Variants in LARP4B observed in about 807,000 individuals in gnomAD.
LARP4B encodes La ribonucleoprotein 4B.
A neutral mutation model predicts 89.8 loss-of-function variants in LARP4B; 12 were observed. The observed-to-expected ratio is 0.13, with a 90% CI of 0.09 to 0.22. The LOEUF is 0.22. Ranked by LOEUF, LARP4B falls within the 10% of genes least tolerant of loss-of-function variation. LARP4B has a pLI of 1.00. For missense variants in LARP4B, 757 were observed against 947.7 expected (o/e 0.80, Z 2.64); for synonymous variants, 367 against 363.3 (o/e 1.01, Z -0.12).
At chr10:885,058 G>A (rs925830893) in intron 2 of LARP4B, among the ~76,000 whole-genome samples, 16 of 152,082 alleles carry the variant, frequency 1.1e-4, no homozygotes, top group Non-Finnish European at 1.5e-4. Flanking sequence ...ATGGCACATT[G>A]ACATTTGAGG....
chr10:958,217 G>C, the LARP4B span, among the ~76,000 whole-genome samples: 1 of 152,182 alleles, frequency 6.6e-6, no homozygotes, highest in South Asian at 2.1e-4. Context: ...GGGTCCCTGA[G>C]AGCTGACCTG....
chr10:950,223 G>A, the LARP4B span, among the ~76,000 whole-genome samples: 758 of 152,146 alleles, frequency 5.0e-3, 9 homozygotes, highest in African/African-American at 0.018. Flanking sequence ...AGCCTTTTGC[G>A]GAGCAAAAGT....
intron 1 of LARP4B, among the ~76,000 whole-genome samples, chr10:908,096 C>T (rs1836544185): frequency 1.3e-5 from 2 of 152,132 alleles, no homozygotes; most frequent in South Asian, 4.1e-4. Context: ...ATCCCAGCTA[C>T]TTGGGAGGCT....
At chr10:840,327 A>G (rs1833462218) in intron 7 of LARP4B, among the ~76,000 whole-genome samples, 1 of 152,184 alleles carries the variant, frequency 6.6e-6, no homozygotes, top group Non-Finnish European at 1.5e-5. Context: ...GTGACACTGA[A>G]TGATGAGCTT....
At chr10:824,236 T>C (rs1404350683) in intron 13 of LARP4B, among the ~76,000 whole-genome samples, 2 of 152,200 alleles carry the variant, frequency 1.3e-5, no homozygotes, top group Non-Finnish European at 2.9e-5. Flanking sequence ...CTCATGCCTG[T>C]AATCCCACCA....
chr10:882,221 A>C (rs149416732), intron 3 of LARP4B, among the ~76,000 whole-genome samples: 9 of 152,242 alleles, frequency 5.9e-5, no homozygotes, highest in African/African-American at 2.2e-4. Flanking sequence ...TAAATGGGTG[A>C]GTTTTACAGA....
intron 3 of LARP4B, among the ~76,000 whole-genome samples, chr10:881,691 T>C (rs1835673138): frequency 1.3e-5 from 2 of 152,186 alleles, no homozygotes; most frequent in African/African-American, 4.8e-5. Context: ...GTGAGAACAT[T>C]CAAAATGACC....
At position 824,929 on chromosome 10, in the gene LARP4B, T is replaced by A. The variant is rs1174888037; in HGVS notation, c.1484+136A>T. 3.4e-6 allele frequency: 3 copies of A among 877,152 alleles called. No individual in the cohort carries two copies. In the African/African-American group the frequency reaches 5.1e-5, roughly 15 times the overall value. 54.3% of individuals were successfully genotyped at this position (877,152 alleles called of 1,614,324 possible). On this transcript the variant is annotated intron_variant, in intron 13 of 17. Coordinates refer to ENST00000316157, the MANE Select transcript of LARP4B (RefSeq NM_015155.3). ...GAAGCCATTTAAGTCTTAGCAATTA[T>A]ATAAAACCCTTATGTTTATAGCCTT... is the stretch of plus-strand genomic sequence containing the variant.
chr10:852,175 C>T (rs886867823), intron 5 of LARP4B, among the ~76,000 whole-genome samples: 1 of 152,182 alleles, frequency 6.6e-6, no homozygotes, highest in Non-Finnish European at 1.5e-5. Flanking sequence ...AATACGTAAC[C>T]TCTTCCAAAA....
In LARP4B at chr10:846,293, G is replaced by A. The variant is rs544687696; in HGVS notation, c.431-1238C>T. Among the ~76,000 whole-genome samples the A allele has an allele frequency of 8.9e-4, 135 of 152,356 alleles. 2 individuals carry two copies. Among genetic ancestry groups the A allele is most frequent in the African/African-American group, 3.0e-3 (126 of 41,576 alleles). On this transcript the variant is annotated intron_variant, in intron 5 of 17. Transcript: ENST00000316157. ...TCGTGAAGCCAACACTCTGGTGGGA[G>A]AGGCAGATAACAGACAGTTAACCAG...
At chr10:848,067 G>A (rs781723651) in intron 5 of LARP4B, among the ~76,000 whole-genome samples, 7 of 152,202 alleles carry the variant, frequency 4.6e-5, no homozygotes, top group Non-Finnish European at 8.8e-5. Flanking sequence ...GCAAAGCACG[G>A]ATGTGATGAA....
rs1835791124 is a variant in LARP4B, at chr10:884,480, A to G, written c.108T>C (p.Thr36=). 19 of 1,607,228 alleles carry G rather than the reference A, an allele frequency of 1.2e-5. No homozygotes were observed. Among genetic ancestry groups the G allele is most frequent in the Non-Finnish European group, 1.5e-5 (18 of 1,174,002 alleles). Residue 36 remains threonine, a synonymous_variant, in exon 3 of 18, where the codon ACT becomes ACC. Coordinates refer to ENST00000316157, the MANE Select transcript of LARP4B (RefSeq NM_015155.3). The stretch of plus-strand genomic sequence containing the variant: ...AAGGTGGGATGGAACTTGTCTGAGA[A>G]GTGGTTTGAGATATAGGACCATTCA... ...HLMNGPISQT[T]SQTSSIPPLS...
chr10:835,948 AT>A (rs1231263290), intron 8 of LARP4B, among the ~76,000 whole-genome samples: 27 of 151,682 alleles, frequency 1.8e-4, no homozygotes, highest in African/African-American at 6.1e-4. Flanking sequence ...AAAAAAAAAA[AT>A]TACTCCCCAA....
At chr10:813,840 C>T (rs1198859302) in intron 17 of LARP4B, among the ~76,000 whole-genome samples, 1 of 146,158 alleles carries the variant, frequency 6.8e-6, no homozygotes, top group East Asian at 2.0e-4. Flanking sequence ...CTCACTCTGT[C>T]GCACAGGCTG....
intron 3 of LARP4B, among the ~76,000 whole-genome samples, chr10:870,933 G>A (rs1002485306): frequency 2.6e-5 from 4 of 152,130 alleles, no homozygotes; most frequent in African/African-American, 7.2e-5. Context: ...TCGTATACTC[G>A]GTGTGTTTCA....
intron 5 of LARP4B, among the ~76,000 whole-genome samples, chr10:863,225 C>CG (rs1564414569): frequency 6.8e-6 from 1 of 146,670 alleles, no homozygotes. Context: ...AAATAGGTTT[C>CG]ATTTTTTTTT....
chr10:896,945 C>G (rs1016493790), intron 1 of LARP4B, among the ~76,000 whole-genome samples: 9 of 150,594 alleles, frequency 6.0e-5, no homozygotes, highest in Non-Finnish European at 1.3e-4. Context: ...AATTAAGCTA[C>G]AGATTCAATA....
the LARP4B span, among the ~76,000 whole-genome samples, chr10:967,591 A>G: frequency 6.6e-6 from 1 of 152,328 alleles, no homozygotes; most frequent in Non-Finnish European, 1.5e-5. Context: ...GCATGCCACG[A>G]AATCGCAGAA....
chr10:972,280 G>A, the LARP4B span: 1 of 346,668 alleles, frequency 2.9e-6, no homozygotes, highest in Admixed American at 3.8e-5. Context: ...TGCCTGCCTC[G>A]ACCTCCCAAA....
Sources: gnomAD v4.1 joint callset for allele counts (sites outside exome capture counted in the v4.1 genomes callset) on GRCh38, gnomAD v4.1.1 for gene constraint, MANE v1.5 for transcripts, NCBI Gene and HGNC (gene_info 2026-07-23, HGNC 2026-07-21) for gene names.